Variants in CHMP4C observed in about 807,000 individuals in gnomAD.
CHMP4C encodes the protein SNF7 homolog associated with Alix 3.
CHMP4C carries 28 observed loss-of-function variants against 29.0 expected under a neutral mutation model. That is an observed-to-expected ratio of 0.97 (90% CI 0.72 to 1.32). CHMP4C has a LOEUF of 1.32. Among genes scored for constraint, CHMP4C ranks in the 40% most tolerant of loss-of-function variants. The pLI is 0.00. For synonymous variants in CHMP4C, 106 were observed against 102.4 expected, an observed-to-expected ratio of 1.04 and a Z score of -0.21; for missense variants, 291 against 281.0, an observed-to-expected ratio of 1.04 and a Z score of -0.25.
Position 81,732,489 on chromosome 8 carries a change from G to T in CHMP4C, c.-138G>T, listed in dbSNP as rs373131551. 1.2e-4 allele frequency: 73 copies of T among 620,242 alleles called. No individual in the cohort carries two copies. The highest frequency in any genetic ancestry group is 8.7e-4 in the Middle Eastern group (2 of 2,304). 38.4% of individuals were successfully genotyped at this position (620,242 alleles called of 1,614,324 possible). On this transcript the variant is annotated 5_prime_UTR_variant, in exon 1 of 5. Coordinates refer to ENST00000297265, the MANE Select transcript of CHMP4C (RefSeq NM_152284.4). ...GGAGTGTGTGTCACCTGTCCAGGAC[G>T]ACTTGTTGATTCCCAGGAGGGCCGC...
At chr8:81,751,526 T>C (rs768306033) in intron 1 of CHMP4C, among the ~76,000 whole-genome samples, 13 of 152,110 alleles carry the variant, frequency 8.5e-5, no homozygotes, top group Non-Finnish European at 1.6e-4. Context: ...GAAAACTTGT[T>C]TAATTATATG....
intron 1 of CHMP4C, among the ~76,000 whole-genome samples, chr8:81,747,677 G>C (rs957176279): frequency 1.3e-5 from 2 of 152,078 alleles, no homozygotes; most frequent in African/African-American, 2.4e-5. Context: ...AAGGGACAGA[G>C]TACAAAAGAG....
chr8:81,743,425 G>A (rs986240927), intron 1 of CHMP4C, among the ~76,000 whole-genome samples: 7 of 151,622 alleles, frequency 4.6e-5, no homozygotes. Flanking sequence ...CAATTTGTGG[G>A]GTTATTAATA....
At chr8:81,745,611 A>C (rs1249514286) in intron 1 of CHMP4C, among the ~76,000 whole-genome samples, 1 of 152,196 alleles carries the variant, frequency 6.6e-6, no homozygotes, top group East Asian at 1.9e-4. Context: ...GAATAGTTAA[A>C]TTTTGGTTCA....
intron 1 of CHMP4C, among the ~76,000 whole-genome samples, chr8:81,750,459 G>A (rs7463853): frequency 0.82 from 122,697 of 150,416 alleles, 50,349 homozygotes; most frequent in African/African-American, 0.91. Flanking sequence ...AAAAAAAAAA[G>A]ACTCCGTACA....
intron 1 of CHMP4C, among the ~76,000 whole-genome samples, chr8:81,752,124 GA>G (rs770813018): frequency 3.9e-5 from 6 of 152,098 alleles, no homozygotes; most frequent in Non-Finnish European, 7.4e-5. Context: ...ACAGTTAGAA[GA>G]GAGACTTCTC....
rs921625472 is a variant in CHMP4C, at chr8:81,759,469, G to A, written c.*925G>A. The A allele has an allele frequency of 8.0e-5, 12 of 150,190 alleles. No homozygotes were observed. The highest frequency in any genetic ancestry group is 1.6e-4 in the Non-Finnish European group (11 of 67,188). The allele number at this position is 150,190 out of a possible 1,614,324, so 9.3% of individuals were successfully genotyped here. On this transcript the variant is annotated 3_prime_UTR_variant, in exon 5 of 5. Transcript: ENST00000297265. The stretch of plus-strand genomic sequence containing the variant: ...ATTTACCCTTTACAGAATATTTCTT[G>A]TAAATACATAAAAATATTGGCAATT...
chr8:81,736,898 A>G (rs1405258277), intron 1 of CHMP4C, among the ~76,000 whole-genome samples: 1 of 152,228 alleles, frequency 6.6e-6, no homozygotes, highest in African/African-American at 2.4e-5. Flanking sequence ...GTACAGGGGT[A>G]GCTACTTCTC....
At chr8:81,740,643 A>C (rs1227374874) in intron 1 of CHMP4C, among the ~76,000 whole-genome samples, 2 of 152,114 alleles carry the variant, frequency 1.3e-5, no homozygotes, top group African/African-American at 4.8e-5. Context: ...TTATCATCTT[A>C]TTTCTCCAGC....
In CHMP4C at chr8:81,758,738, G is replaced by A. The variant is rs554345252; in HGVS notation, c.*194G>A. On this transcript the variant is annotated 3_prime_UTR_variant, in exon 5 of 5. Transcript: ENST00000297265. ...AGAATCAGTGATGGAGGCCAGGCAC[G>A]GTATCTCATGCCTATAATCCCAGCA... The A allele has an allele frequency of 8.9e-6, 5 of 561,194 alleles. No individual in the cohort carries two copies. The highest frequency in any genetic ancestry group is 3.0e-5 in the East Asian group (1 of 33,640). The allele number at this position is 561,194 out of a possible 1,614,324, so 34.8% of individuals were successfully genotyped here. A position where few individuals can be genotyped will look rare whatever the true frequency, so the allele number is the denominator to read the frequency against.
At chr8:81,754,514 A>C (rs1349923849) in intron 2 of CHMP4C, among the ~76,000 whole-genome samples, 1 of 152,166 alleles carries the variant, frequency 6.6e-6, no homozygotes, top group African/African-American at 2.4e-5. Context: ...AACTCACAAA[A>C]AAATTACTTC....
chr8:81,754,605 C>G (rs1808948029), intron 2 of CHMP4C, among the ~76,000 whole-genome samples: 3 of 151,994 alleles, frequency 2.0e-5, no homozygotes, highest in African/African-American at 7.2e-5. Flanking sequence ...ATCAGTTTGG[C>G]CTAGTTTCAG....
chr8:81,744,646 T>C lies in CHMP4C; in HGVS notation c.191-8418T>C, dbSNP rs143119526. ...ATCTCTTCTTATTCTCCTCTACATCTTCTCTACTACTTGAGGTAAAGAATG... is the reference window on the plus strand; with the variant it reads ...ATCTCTTCTTATTCTCCTCTACATCCTCTCTACTACTTGAGGTAAAGAATG... On this transcript the variant is annotated intron_variant, in intron 1 of 4. Coordinates refer to ENST00000297265, the MANE Select transcript of CHMP4C (RefSeq NM_152284.4). 2.5e-3 allele frequency among the ~76,000 whole-genome samples: 385 copies of C among 152,300 alleles called. 2 individuals carry two copies. The highest frequency in any genetic ancestry group is 8.5e-3 in the African/African-American group (354 of 41,570).
chr8:81,740,538 C>A (rs1314088318), intron 1 of CHMP4C, among the ~76,000 whole-genome samples: 4 of 152,148 alleles, frequency 2.6e-5, no homozygotes, highest in Non-Finnish European at 4.4e-5. Flanking sequence ...TGGGAACCCC[C>A]GGAGCTAAGG....
chr8:81,745,768 C>CTCTA (rs1808815917), intron 1 of CHMP4C, among the ~76,000 whole-genome samples: 2 of 152,122 alleles, frequency 1.3e-5, no homozygotes, highest in Admixed American at 6.5e-5. Flanking sequence ...GAGACAAAAC[C>CTCTA]CCTGGCTGTT....
In CHMP4C at chr8:81,732,763, G is replaced by GA. The variant is rs1307715846; in HGVS notation, c.139dup (p.Ile47AsnfsTer16). On this transcript the variant is annotated frameshift_variant, in exon 1 of 5. Transcript: ENST00000297265. LOFTEE classifies it high-confidence loss of function. ...AAGAAACAAGAGTACCTGGAAAATC[G>GA]AATCCAGAGAGAAATCGCCCTGGCC... 1 of 1,611,114 alleles carries GA rather than the reference G, an allele frequency of 6.2e-7. No homozygotes were observed. Among genetic ancestry groups the GA allele is most frequent in the African/African-American group, 1.3e-5 (1 of 74,914 alleles).
rs28415021 is a variant in CHMP4C, at chr8:81,749,112, T to C, written c.191-3952T>C. ...ATTTCCAGAACAGCAAACTAAAGCT[T>C]AAAGAAGGGATGTGACTTGCCCAAG... On this transcript the variant is annotated intron_variant, in intron 1 of 4. Transcript: ENST00000297265. Among the ~76,000 whole-genome samples, 1,469 of 152,138 alleles carry C rather than the reference T, an allele frequency of 9.7e-3. 24 individuals are homozygous for C. The highest frequency in any genetic ancestry group is 0.033 in the African/African-American group (1,387 of 41,482).
At chr8:81,755,327 T>C in intron 2 of CHMP4C, 43 bp from the exon 3 acceptor site, 1 of 1,080,662 alleles carries the variant, frequency 9.3e-7, no homozygotes, top group Non-Finnish European at 1.4e-6. Context: ...TTCATAATTA[T>C]AAGTTAAAAT....
chr8:81,752,727 T>A (rs1808918900), intron 1 of CHMP4C, among the ~76,000 whole-genome samples: 1 of 152,198 alleles, frequency 6.6e-6, no homozygotes, highest in South Asian at 2.1e-4. Flanking sequence ...ACTTTTCTAT[T>A]GTATGATTTT....
Sources: allele counts gnomAD v4.1 joint callset (sites outside exome capture counted in the v4.1 genomes callset), GRCh38; gene constraint gnomAD v4.1.1; transcripts MANE v1.5; gene names NCBI Gene and HGNC (gene_info 2026-07-23, HGNC 2026-07-21).